Variants in FGF12 observed in about 807,000 individuals in gnomAD.
FGF12 encodes fibroblast growth factor 12.
A neutral mutation model predicts 23.6 loss-of-function variants in FGF12; 14 were observed. That is an observed-to-expected ratio of 0.59 (90% CI 0.39 to 0.93). The LOEUF (loss-of-function observed/expected upper bound fraction) is 0.93, where lower values mean the gene tolerates loss of function less well. Ranked by LOEUF, FGF12 falls within the 40% of genes least tolerant of loss-of-function variation. The pLI, the probability that FGF12 is intolerant of heterozygous loss-of-function variation, is 0.00. For missense variants in FGF12, 175 were observed against 217.8 expected (o/e 0.80, Z 1.24); for synonymous variants, 62 against 77.3 (o/e 0.80, Z 1.04).
At chr3:192,662,147 G>T (rs1167432539) in intron 2 of FGF12, among the ~76,000 whole-genome samples, 1 of 152,210 alleles carries the variant, frequency 6.6e-6, no homozygotes, top group Non-Finnish European at 1.5e-5. Flanking sequence ...GAGAAAGAAG[G>T]AAGTAGCCTC....
intron 2 of FGF12, among the ~76,000 whole-genome samples, chr3:192,376,648 C>T (rs1719524338): frequency 6.6e-6 from 1 of 152,226 alleles, no homozygotes; most frequent in Admixed American, 6.5e-5. Flanking sequence ...AGGCGTGAGC[C>T]ACCGCGCCTG....
intron 5 of FGF12, among the ~76,000 whole-genome samples, chr3:192,150,782 T>C (rs1031440345): frequency 5.5e-5 from 8 of 145,546 alleles, no homozygotes; most frequent in East Asian, 2.0e-4. Context: ...TGGCTTAGGA[T>C]TGACTTGGCA....
chr3:192,662,486 C>A, intron 2 of FGF12, among the ~76,000 whole-genome samples: 1 of 152,188 alleles, frequency 6.6e-6, no homozygotes, highest in Admixed American at 6.5e-5. Flanking sequence ...CTACCTAGGT[C>A]AGGGTCAGTC....
At chr3:192,345,351 T>C (rs763438357) in intron 3 of FGF12, among the ~76,000 whole-genome samples, 1 of 152,216 alleles carries the variant, frequency 6.6e-6, no homozygotes, top group Non-Finnish European at 1.5e-5. Flanking sequence ...GCTGTGAACC[T>C]AGATTCTGGT....
chr3:192,257,007 A>T lies in FGF12; in HGVS notation c.228+78354T>A, dbSNP rs536771757. 1.2e-4 allele frequency among the ~76,000 whole-genome samples: 18 copies of T among 152,272 alleles called. No homozygotes were observed. In the East Asian group the frequency reaches 3.5e-3, roughly 29 times the overall value. ...AGTAACTTTTTCCCATAAGCTCATA[A>T]ATTGTAATTATGCTCTCACAGACTA... On this transcript the variant is annotated intron_variant, in intron 4 of 5. Transcript: ENST00000445105.
intron 2 of FGF12, among the ~76,000 whole-genome samples, chr3:192,681,151 G>A (rs892854580): frequency 2.0e-5 from 3 of 152,168 alleles, no homozygotes; most frequent in Admixed American, 6.5e-5. Flanking sequence ...AATGATAAAG[G>A]GTCAGAATAA....
intron 2 of FGF12, among the ~76,000 whole-genome samples, chr3:192,401,044 T>C (rs979946664): frequency 3.3e-5 from 5 of 152,220 alleles, no homozygotes; most frequent in Non-Finnish European, 5.9e-5. Flanking sequence ...TATTTAGAAG[T>C]TACAATGAAA....
intron 4 of FGF12, among the ~76,000 whole-genome samples, chr3:192,265,595 T>C (rs1167764135): frequency 6.6e-6 from 1 of 152,128 alleles, no homozygotes; most frequent in Non-Finnish European, 1.5e-5. Context: ...GAATATTTGA[T>C]GAAACCTGAA....
intron 2 of FGF12, among the ~76,000 whole-genome samples, chr3:192,587,003 C>T (rs941758074): frequency 6.6e-6 from 1 of 151,956 alleles, no homozygotes; most frequent in Non-Finnish European, 1.5e-5. Context: ...ATAATTCTTA[C>T]ACTTTTTTGG....
intron 2 of FGF12, among the ~76,000 whole-genome samples, chr3:192,593,933 T>C (rs1423158848): frequency 6.6e-6 from 1 of 151,938 alleles, no homozygotes; most frequent in Non-Finnish European, 1.5e-5. Context: ...ATTTAAATGG[T>C]TTTGGTCTTA....
At chr3:192,264,645 C>T (rs928621105) in intron 4 of FGF12, among the ~76,000 whole-genome samples, 9 of 152,056 alleles carry the variant, frequency 5.9e-5, no homozygotes, top group African/African-American at 2.2e-4. Context: ...AGGATAGAAA[C>T]GTTGCCAAGG....
intron 2 of FGF12, among the ~76,000 whole-genome samples, chr3:192,626,236 A>G (rs1360617607): frequency 6.6e-6 from 1 of 152,212 alleles, no homozygotes; most frequent in Non-Finnish European, 1.5e-5. Flanking sequence ...TAATTAGCAT[A>G]TGTTATTTAT....
At chr3:192,374,815 A>G (rs999474602) in intron 2 of FGF12, among the ~76,000 whole-genome samples, 2 of 152,198 alleles carry the variant, frequency 1.3e-5, no homozygotes, top group East Asian at 1.9e-4. Context: ...TCCAGAACCC[A>G]TAGAACAGAT....
intron 2 of FGF12, among the ~76,000 whole-genome samples, chr3:192,564,148 C>T (rs1255763214): frequency 6.6e-6 from 1 of 152,152 alleles, no homozygotes; most frequent in Admixed American, 6.5e-5. Flanking sequence ...ACTGCAATCT[C>T]CGCCTCTTGG....
chr3:192,681,857 C>T (rs1407329777), intron 2 of FGF12, among the ~76,000 whole-genome samples: 1 of 152,170 alleles, frequency 6.6e-6, no homozygotes, highest in East Asian at 1.9e-4. Context: ...GGAAAGGCAA[C>T]ATGCTGAGGG....
intron 5 of FGF12, among the ~76,000 whole-genome samples, chr3:192,144,481 A>T (rs1713583570): frequency 6.6e-6 from 1 of 152,202 alleles, no homozygotes; most frequent in South Asian, 2.1e-4. Flanking sequence ...CTGCAGTCTA[A>T]TTCGGGTAGG....
chr3:192,236,454 G>A (rs762257255), intron 4 of FGF12, among the ~76,000 whole-genome samples: 4 of 152,040 alleles, frequency 2.6e-5, no homozygotes, highest in Non-Finnish European at 4.4e-5. Context: ...ACTGTCACTC[G>A]GGTGTTGAAG....
At position 192,143,903 on chromosome 3, in the gene FGF12, T is replaced by C. The variant is rs148515761; in HGVS notation, c.*106A>G. The C allele has an allele frequency of 3.9e-4, 288 of 743,958 alleles. 1 individual carries two copies. In the East Asian group the frequency reaches 6.7e-3, roughly 17 times the overall value. The allele number at this position is 743,958 out of a possible 1,614,324, so 46.1% of individuals were successfully genotyped here. On this transcript the variant is annotated 3_prime_UTR_variant, in exon 6 of 6. Transcript: ENST00000445105. ...ATCTTAGCCACTAGGTCTTGCGTTGTCATTTTATTTTCCTCTCCTTGGGTG... is the reference window on the plus strand; with the variant it reads ...ATCTTAGCCACTAGGTCTTGCGTTGCCATTTTATTTTCCTCTCCTTGGGTG...
Position 192,288,417 on chromosome 3 carries a change from A to G in FGF12, c.228+46944T>C, listed in dbSNP as rs77885930. Among the ~76,000 whole-genome samples, 1,119 of 152,196 alleles carry G rather than the reference A, an allele frequency of 7.4e-3. 16 individuals carry two copies. The highest frequency in any genetic ancestry group is 0.025 in the African/African-American group (1,050 of 41,540). ...ATCTATTCTCCCGAAGGATTCATGA[A>G]TCTTCCTTCAAAATTAGATTTATAC... On this transcript the variant is annotated intron_variant, in intron 4 of 5. Transcript: ENST00000445105.
Sources: gnomAD v4.1 joint callset for allele counts (sites outside exome capture counted in the v4.1 genomes callset) on GRCh38, gnomAD v4.1.1 for gene constraint, MANE v1.5 for transcripts, NCBI Gene and HGNC (gene_info 2026-07-23, HGNC 2026-07-21) for gene names.